The following TTC39B variants were observed in gnomAD, a reference collection of about 807,000 sequenced individuals.
TTC39B encodes tetratricopeptide repeat domain 39B.
A neutral mutation model predicts 96.6 loss-of-function variants in TTC39B; 92 were observed. The observed-to-expected ratio is 0.95, with a 90% CI of 0.80 to 1.13. The LOEUF (loss-of-function observed/expected upper bound fraction) is 1.13, where lower values mean the gene tolerates loss of function less well. Among genes scored for constraint, TTC39B ranks in the 50% most tolerant of loss-of-function variants. The probability of loss-of-function intolerance (pLI) is 0.00; values close to 1 mark genes in which losing one functional copy is unlikely to be tolerated. For missense variants in TTC39B, 955 were observed against 809.3 expected (o/e 1.18, Z -2.18); for synonymous variants, 367 against 299.4 (o/e 1.23, Z -2.33).
chr9:15,241,957 G>T (rs1433326419), intron 2 of TTC39B, among the ~76,000 whole-genome samples: 3 of 151,926 alleles, frequency 2.0e-5, no homozygotes, highest in Non-Finnish European at 4.4e-5. Flanking sequence ...TATTGGTCAC[G>T]CTGGTCTCAA....
At chr9:15,293,425 G>A (rs1295689179) in intron 1 of TTC39B, among the ~76,000 whole-genome samples, 1 of 152,150 alleles carries the variant, frequency 6.6e-6, no homozygotes, top group Non-Finnish European at 1.5e-5. Context: ...GAATTGTCCA[G>A]GTGGGGGAAC....
intron 2 of TTC39B, among the ~76,000 whole-genome samples, chr9:15,230,856 A>T (rs1002859073): frequency 1.3e-5 from 2 of 152,088 alleles, no homozygotes; most frequent in Non-Finnish European, 2.9e-5. Flanking sequence ...ATGGTGGTGC[A>T]CACCCGTAAT....
Position 15,199,841 on chromosome 9 carries a change from C to T in TTC39B, c.824+20G>A, listed in dbSNP as rs757402716. 7.6e-7 allele frequency: 1 copy of T among 1,324,292 alleles called. No individual in the cohort carries two copies. Among genetic ancestry groups the T allele is most frequent in the Non-Finnish European group, 1.0e-6 (1 of 959,438 alleles). The allele number at this position is 1,324,292 out of a possible 1,614,324, so 82.0% of individuals were successfully genotyped here. Reference sequence around the variant, plus strand: ...ACAGCACAAAATTATTTACAAACCACATCTTACTTTTTAACTTACTTATAT... The same window carrying T: ...ACAGCACAAAATTATTTACAAACCATATCTTACTTTTTAACTTACTTATAT... On this transcript the variant is annotated intron_variant, in intron 8 of 19. Transcript: ENST00000512701.
chr9:15,242,751 G>A (rs1432899813), intron 2 of TTC39B, among the ~76,000 whole-genome samples: 1 of 152,112 alleles, frequency 6.6e-6, no homozygotes, highest in Non-Finnish European at 1.5e-5. Context: ...TATATACATA[G>A]AATAATAAAA....
intron 1 of TTC39B, among the ~76,000 whole-genome samples, chr9:15,279,265 G>A (rs1823660585): frequency 6.6e-6 from 1 of 152,184 alleles, no homozygotes; most frequent in Admixed American, 6.5e-5. Flanking sequence ...ACAGAAAATT[G>A]GCAGAGTTAG....
At chr9:15,228,346 C>T (rs372642184) in intron 2 of TTC39B, among the ~76,000 whole-genome samples, 2 of 152,106 alleles carry the variant, frequency 1.3e-5, no homozygotes, top group African/African-American at 2.4e-5. Context: ...TGCCTGTAAT[C>T]CGAGCTACTC....
chr9:15,240,923 T>C (rs555618246), intron 2 of TTC39B, among the ~76,000 whole-genome samples: 3 of 152,366 alleles, frequency 2.0e-5, no homozygotes, highest in South Asian at 2.1e-4. Flanking sequence ...TTCAAACTTA[T>C]TACTTTATGC....
chr9:15,233,087 C>A (rs1198895316), intron 2 of TTC39B, among the ~76,000 whole-genome samples: 1 of 152,168 alleles, frequency 6.6e-6, no homozygotes, highest in East Asian at 1.9e-4. Flanking sequence ...CCCAGCCGGG[C>A]AGTTGGAGGC....
chr9:15,203,892 T>C lies in TTC39B; in HGVS notation c.692-2A>G. The C allele has an allele frequency of 6.2e-7, 1 of 1,611,912 alleles. No individual in the cohort carries two copies. Among genetic ancestry groups the C allele is most frequent in the South Asian group, 1.1e-5 (1 of 90,730 alleles). On this transcript the variant is annotated splice_acceptor_variant, in intron 6 of 19. Coordinates refer to ENST00000512701, the Ensembl canonical transcript of TTC39B. LOFTEE classifies it high-confidence loss of function. ...AACAGATTTCAGCATGCATTTCCTC[T>C]ACAAAAAACAAATAAAATTATATTA...
At chr9:15,301,147 CATCTCT>C (rs1824573524) in intron 1 of TTC39B, among the ~76,000 whole-genome samples, 1 of 152,146 alleles carries the variant, frequency 6.6e-6, no homozygotes, top group Non-Finnish European at 1.5e-5. Flanking sequence ...GTTCAAATAC[CATCTCT>C]CCTTTCAAGT....
chr9:15,231,447 T>A lies in TTC39B; in HGVS notation c.276-5435A>T, dbSNP rs1821416736. 2.6e-5 allele frequency among the ~76,000 whole-genome samples: 4 copies of A among 152,248 alleles called. No individual in the cohort carries two copies. The South Asian group carries it at 8.3e-4, about 32-fold the overall frequency. On this transcript the variant is annotated intron_variant, in intron 2 of 19. Transcript: ENST00000512701. The stretch of plus-strand genomic sequence containing the variant: ...TTTTGGTGTGCATTTGCTTAATGAC[T>A]AATAATGTTGAGAATCTTTTTTAAG...
intron 2 of TTC39B, chr9:15,250,256 C>A (rs772258041): frequency 9.2e-7 from 1 of 1,092,388 alleles, no homozygotes; most frequent in South Asian, 2.4e-5. Flanking sequence ...TTCCCCCAAT[C>A]TCTGCTGCAG....
chr9:15,243,233 G>C (rs1312656514), intron 2 of TTC39B, among the ~76,000 whole-genome samples: 1 of 152,182 alleles, frequency 6.6e-6, no homozygotes, highest in Non-Finnish European at 1.5e-5. Context: ...ACTTAACTGG[G>C]CATTTACCCC....
At chr9:15,233,357 CCCACGGTCTCCCTCTCCCTCTCTTT>C (rs956131900) in intron 2 of TTC39B, among the ~76,000 whole-genome samples, 3 of 151,742 alleles carry the variant, frequency 2.0e-5, no homozygotes, top group African/African-American at 7.3e-5. Context: ...CCTCTCTCTC[CCCACGGTCTCCCTCTCCCTCTCTTT>C]CCACGGTCTC....
At chr9:15,208,440 T>A (rs1334489418) in intron 6 of TTC39B, among the ~76,000 whole-genome samples, 1 of 151,882 alleles carries the variant, frequency 6.6e-6, no homozygotes. Context: ...GAGGCAGAGG[T>A]CAATGGGCCA....
chr9:15,177,486 C>T (rs1314079937), intron 18 of TTC39B, among the ~76,000 whole-genome samples: 1 of 152,154 alleles, frequency 6.6e-6, no homozygotes, highest in Non-Finnish European at 1.5e-5. Flanking sequence ...CATCTTTAAA[C>T]ATCAAGTAGA....
chr9:15,205,780 G>C (rs1445406683), intron 6 of TTC39B, among the ~76,000 whole-genome samples: 2 of 152,004 alleles, frequency 1.3e-5, no homozygotes, highest in Non-Finnish European at 2.9e-5. Context: ...TGCTGGCTTG[G>C]GGTACATGCA....
intron 2 of TTC39B, among the ~76,000 whole-genome samples, chr9:15,258,697 C>A (rs1384449239): frequency 6.6e-6 from 1 of 152,190 alleles, no homozygotes; most frequent in African/African-American, 2.4e-5. Context: ...AAGGCAACCA[C>A]AGTCACAAAG....
At chr9:15,269,415 G>A (rs1453102915) in intron 1 of TTC39B, among the ~76,000 whole-genome samples, 3 of 152,178 alleles carry the variant, frequency 2.0e-5, no homozygotes, top group Middle Eastern at 3.2e-3. Flanking sequence ...GGGACTTACC[G>A]TATCACACCT....
Sources: allele counts gnomAD v4.1 joint callset (sites outside exome capture counted in the v4.1 genomes callset), GRCh38; gene constraint gnomAD v4.1.1; transcripts MANE v1.5; gene names NCBI Gene and HGNC (gene_info 2026-07-23, HGNC 2026-07-21).